Variants in TADA2A observed in about 807,000 individuals in gnomAD.
TADA2A encodes the protein transcriptional adaptor 2A.
A neutral mutation model predicts 67.4 loss-of-function variants in TADA2A; 38 were observed. The observed-to-expected ratio is 0.56, with a 90% CI of 0.44 to 0.74. The LOEUF is 0.74. Among genes scored for constraint, TADA2A ranks in the 30% least tolerant of loss-of-function variants. TADA2A has a pLI of 0.00. For synonymous variants in TADA2A, 192 were observed against 181.6 expected, an observed-to-expected ratio of 1.06 and a Z score of -0.46; for missense variants, 454 against 547.0, an observed-to-expected ratio of 0.83 and a Z score of 1.70.
chr17:37,478,864 G>C lies in TADA2A; in HGVS notation c.*1882G>C, dbSNP rs1361754285. 6.6e-6 allele frequency: 1 copy of C among 152,176 alleles called. No individual in the cohort carries two copies. Among genetic ancestry groups the C allele is most frequent in the African/African-American group, 2.4e-5 (1 of 41,434 alleles). 9.4% of individuals were successfully genotyped at this position (152,176 alleles called of 1,614,324 possible). A position where few individuals can be genotyped will look rare whatever the true frequency, so the allele number is the denominator to read the frequency against. On this transcript the variant is annotated 3_prime_UTR_variant, in exon 16 of 16. Transcript: ENST00000615182. ...TGAAAAAGACACTCTAAGGACCTGA[G>C]GGAATTCAAATAGAGGACTTCGATT...
At chr17:37,454,700 G>GC in intron 8 of TADA2A, 1 of 345,904 alleles carries the variant, frequency 2.9e-6, no homozygotes. Context: ...AACCTGCTGA[G>GC]CAGTCAAATT....
chr17:37,432,925 A>ATTTTTTTTTTTTTTTTTTTTTT (rs1046006991), intron 4 of TADA2A, among the ~76,000 whole-genome samples: 1 of 52,208 alleles, frequency 1.9e-5, no homozygotes, highest in Non-Finnish European at 3.4e-5. Flanking sequence ...TGGTATTACA[A>ATTTTTTTTTTTTTTTTTTTTTT]TTTTTTTTTT....
In TADA2A at chr17:37,479,018, C is replaced by T. The variant is rs2053940670; in HGVS notation, c.*2036C>T. On this transcript the variant is annotated 3_prime_UTR_variant, in exon 16 of 16. Coordinates refer to ENST00000615182, the MANE Select transcript of TADA2A (RefSeq NM_001166105.3). The stretch of plus-strand genomic sequence containing the variant: ...TGCCTCTTATCCCTGAAAGGAAACT[C>T]CTGTTCTGAAAAGTTGGGATGCATT... The T allele has an allele frequency of 6.6e-6, 1 of 152,160 alleles. No homozygotes were observed. Among genetic ancestry groups the T allele is most frequent in the Non-Finnish European group, 1.5e-5 (1 of 68,048 alleles). 9.4% of individuals were successfully genotyped at this position (152,160 alleles called of 1,614,324 possible). A position where few individuals can be genotyped will look rare whatever the true frequency, so the allele number is the denominator to read the frequency against.
chr17:37,442,404 G>C (rs572715231), intron 6 of TADA2A, among the ~76,000 whole-genome samples, 160 bp from the exon 7 acceptor site: 294 of 151,368 alleles, frequency 1.9e-3, no homozygotes, highest in Non-Finnish European at 2.8e-3. Flanking sequence ...CCTGAGTCTT[G>C]GTTTTTCTTT....
rs1051703978 is a variant in TADA2A, at chr17:37,422,305, A to G, written c.26-1204A>G. 4.0e-5 allele frequency among the ~76,000 whole-genome samples: 6 copies of G among 149,442 alleles called. 1 individual carries two copies. The highest frequency in any genetic ancestry group is 6.0e-5 in the Non-Finnish European group (4 of 67,192). ...ATGATCCACCCGCCTCGGCCCCCCA[A>G]AGTGCTGGGATTACAGGCATGAGCC... On this transcript the variant is annotated intron_variant, in intron 2 of 15. Transcript: ENST00000615182.
intron 8 of TADA2A, among the ~76,000 whole-genome samples, chr17:37,448,454 A>G (rs532426048): frequency 2.0e-5 from 3 of 152,338 alleles, no homozygotes; most frequent in African/African-American, 7.2e-5. Flanking sequence ...CTCATATTTT[A>G]TTGAAATAAG....
chr17:37,425,983 AT>A lies in TADA2A; in HGVS notation c.133-959del, dbSNP rs113697496. Among the ~76,000 whole-genome samples the A allele has an allele frequency of 7.7e-3, 1,158 of 151,106 alleles. 17 individuals carry two copies. The highest frequency in any genetic ancestry group is 0.026 in the African/African-American group (1,085 of 41,160). On this transcript the variant is annotated intron_variant, in intron 3 of 15. Coordinates refer to ENST00000615182, the MANE Select transcript of TADA2A (RefSeq NM_001166105.3). ...ATTTTTCTTTAAAAAAAAATAAAGA[AT>A]TTTTTTTAGAGATGGGGTCTTGCTC... is the stretch of plus-strand genomic sequence containing the variant.
At chr17:37,427,590 C>T (rs535543376) in intron 4 of TADA2A, among the ~76,000 whole-genome samples, 12 of 152,250 alleles carry the variant, frequency 7.9e-5, no homozygotes, top group African/African-American at 2.4e-4. Context: ...TAAGAGTGTT[C>T]GTAGTGTCCT....
intron 3 of TADA2A, among the ~76,000 whole-genome samples, chr17:37,425,338 A>G (rs1597863171): frequency 6.6e-6 from 1 of 152,320 alleles, no homozygotes; most frequent in South Asian, 2.1e-4. Context: ...TAATGGTAAT[A>G]ATAATACTAA....
In TADA2A at chr17:37,411,278, A is replaced by G. The variant is rs2051857715; in HGVS notation, c.-88A>G. 7.8e-7 allele frequency: 1 copy of G among 1,281,136 alleles called. No individual in the cohort carries two copies. The allele number at this position is 1,281,136 out of a possible 1,614,324, so 79.4% of individuals were successfully genotyped here. A position where few individuals can be genotyped will look rare whatever the true frequency, so the allele number is the denominator to read the frequency against. On this transcript the variant is annotated 5_prime_UTR_variant, in exon 2 of 16. Coordinates refer to ENST00000615182, the MANE Select transcript of TADA2A (RefSeq NM_001166105.3). ...TTTTGTTTGTTCCTAGGGAGTCATC[A>G]AGCTTTGGTGTATGTGTTGGCCGGT...
intron 8 of TADA2A, among the ~76,000 whole-genome samples, chr17:37,453,933 G>A (rs2053304171): frequency 6.6e-6 from 1 of 151,696 alleles, no homozygotes; most frequent in Non-Finnish European, 1.5e-5. Context: ...ACCACACCCA[G>A]CTAATTTTTT....
chr17:37,460,982 G>GA (rs888779660), intron 9 of TADA2A, among the ~76,000 whole-genome samples: 3 of 150,732 alleles, frequency 2.0e-5, no homozygotes, highest in Non-Finnish European at 4.4e-5. Flanking sequence ...AAAAGCAAAA[G>GA]AAAAAAAAGG....
intron 3 of TADA2A, among the ~76,000 whole-genome samples, chr17:37,424,257 A>G (rs986427560): frequency 6.6e-6 from 1 of 151,934 alleles, no homozygotes; most frequent in African/African-American, 2.4e-5. Context: ...ACATGGTTCA[A>G]CATGGTGAAA....
intron 2 of TADA2A, among the ~76,000 whole-genome samples, chr17:37,420,580 A>G (rs1252162736): frequency 6.9e-6 from 1 of 145,096 alleles, no homozygotes; most frequent in African/African-American, 2.5e-5. Flanking sequence ...TTTAGTGGAG[A>G]TGGGGTTTCG....
chr17:37,460,275 T>G (rs539493953), intron 9 of TADA2A, among the ~76,000 whole-genome samples: 1 of 152,034 alleles, frequency 6.6e-6, no homozygotes, highest in East Asian at 1.9e-4. Flanking sequence ...TGAGATGGTC[T>G]TGCTCCGTCA....
Position 37,466,259 on chromosome 17 carries a change from A to G in TADA2A, c.823+718A>G, listed in dbSNP as rs149623711. 5.9e-3 allele frequency among the ~76,000 whole-genome samples: 892 copies of G among 152,280 alleles called. 6 individuals carry two copies. Among genetic ancestry groups the G allele is most frequent in the Non-Finnish European group, 9.9e-3 (671 of 68,004 alleles). The stretch of plus-strand genomic sequence containing the variant: ...AACATAGTAAAACTCCATCTCTACA[A>G]AAATACAAAAGTTAGCCAGGCATGG... On this transcript the variant is annotated intron_variant, in intron 11 of 15. Coordinates refer to ENST00000615182, the MANE Select transcript of TADA2A (RefSeq NM_001166105.3).
At chr17:37,421,401 C>T (rs954620600) in intron 2 of TADA2A, among the ~76,000 whole-genome samples, 4 of 141,454 alleles carry the variant, frequency 2.8e-5, no homozygotes, top group Non-Finnish European at 4.6e-5. Context: ...TCAAGAAGAC[C>T]CTGTCTCAAG....
rs1195105072 is a variant in TADA2A, at chr17:37,479,346, C to T, written c.*2364C>T. 6.6e-6 allele frequency: 1 copy of T among 152,078 alleles called. No homozygotes were observed. The highest frequency in any genetic ancestry group is 2.1e-4 in the South Asian group (1 of 4,820). The allele number at this position is 152,078 out of a possible 1,614,324, so 9.4% of individuals were successfully genotyped here. On this transcript the variant is annotated 3_prime_UTR_variant, in exon 16 of 16. Transcript: ENST00000615182. ...CAGAAACCTTGGAAACAGTTGAACT[C>T]TGAAAAGCTGATGGCAAATCAGATT... is the stretch of plus-strand genomic sequence containing the variant.
At chr17:37,454,125 T>C (rs2053311096) in intron 8 of TADA2A, 1 of 152,094 alleles carries the variant, frequency 6.6e-6, no homozygotes, top group South Asian at 2.1e-4. Context: ...AAGGTTGGTA[T>C]GTTATTAGAA....
Sources: gnomAD v4.1 joint callset for allele counts (sites outside exome capture counted in the v4.1 genomes callset) on GRCh38, gnomAD v4.1.1 for gene constraint, MANE v1.5 for transcripts, NCBI Gene and HGNC (gene_info 2026-07-23, HGNC 2026-07-21) for gene names.